Variants in IGFBP3 observed in about 807,000 individuals in gnomAD.
The protein encoded by IGFBP3 is insulin-like growth factor-binding protein 3.
In IGFBP3, 9 loss-of-function variants were observed where a neutral mutation model predicts 28.6. The observed-to-expected ratio is 0.31, with a 90% CI of 0.19 to 0.55. IGFBP3 has a LOEUF of 0.55. Ranked by LOEUF, IGFBP3 falls within the 20% of genes least tolerant of loss-of-function variation. IGFBP3 has a pLI of 0.93. For synonymous variants in IGFBP3, 185 were observed against 188.2 expected, an observed-to-expected ratio of 0.98 and a Z score of 0.14; for missense variants, 382 against 428.9, an observed-to-expected ratio of 0.89 and a Z score of 0.97.
At position 45,917,357 on chromosome 7, in the gene IGFBP3, A is replaced by G. The variant is rs1400175720; in HGVS notation, c.486T>C (p.Asp162=). ...TTGAATGGAGGGGGTGGAACTTGGGATCAGACACCCGGTGCGTGCTGGAGA... is the reference window on the plus strand; with the variant it reads ...TTGAATGGAGGGGGTGGAACTTGGGGTCAGACACCCGGTGCGTGCTGGAGA... The part of the protein sequence containing the change: ...PSVSSTHRVS[D]PKFHPLHSKI... Residue 162 remains aspartate, a synonymous_variant, in exon 2 of 5, where the codon GAT becomes GAC. Transcript: ENST00000613132. The G allele has an allele frequency of 3.7e-6, 6 of 1,613,934 alleles. No homozygotes were observed. Among genetic ancestry groups the G allele is most frequent in the Non-Finnish European group, 5.1e-6 (6 of 1,180,016 alleles).
Position 45,914,731 on chromosome 7 carries a change from C to T in IGFBP3, c.*15+74G>A, listed in dbSNP as rs1054452484. 2.5e-5 allele frequency: 37 copies of T among 1,468,866 alleles called. No homozygotes were observed. In the Middle Eastern group the frequency reaches 9.7e-4, roughly 38 times the overall value. The allele number at this position is 1,468,866 out of a possible 1,614,324, so 91.0% of individuals were successfully genotyped here. A position where few individuals can be genotyped will look rare whatever the true frequency, so the allele number is the denominator to read the frequency against. On this transcript the variant is annotated intron_variant, in intron 4 of 4. Coordinates refer to ENST00000613132, the MANE Select transcript of IGFBP3 (RefSeq NM_000598.5). ...GTAAGCCTGGGGAAGGGCCAGTGGC[C>T]ACGCCCAGCCCCTGAGGCTGGTCCA...
At chr7:45,913,955 G>A (rs967391005) in intron 4 of IGFBP3, 121 bp from the exon 5 acceptor site, 1 of 152,200 alleles carries the variant, frequency 6.6e-6, no homozygotes, top group Non-Finnish European at 1.5e-5. Context: ...TGCAAGTGCA[G>A]GGCTGGGGTC....
At chr7:45,920,515 A>G (rs764901740) in intron 1 of IGFBP3, 2 of 410,964 alleles carry the variant, frequency 4.9e-6, no homozygotes, top group Non-Finnish European at 8.5e-6. Flanking sequence ...TTTGCAATTT[A>G]CAAGTACTCT....
At position 45,920,944 on chromosome 7, in the gene IGFBP3, C is replaced by A; in HGVS notation, c.197G>T (p.Gly66Val). 2 of 1,391,696 alleles carry A rather than the reference C, an allele frequency of 1.4e-6. No individual in the cohort carries two copies. The highest frequency in any genetic ancestry group is 1.9e-6 in the Non-Finnish European group (2 of 1,078,558). 86.2% of individuals were successfully genotyped at this position (1,391,696 alleles called of 1,614,324 possible). ...AVCAELVREP[G>V]CGCCLTCALS... is the part of the protein sequence containing the mutation. Reference sequence around the variant, plus strand: ...TGCGCACGTCAGGCAGCAGCCGCAGCCCGGCTCGCGCACCAGCTCCGCGCA... The same window carrying A: ...TGCGCACGTCAGGCAGCAGCCGCAGACCGGCTCGCGCACCAGCTCCGCGCA... Residue 66 changes from glycine to valine, a missense_variant, in exon 1 of 5, where the codon GGC becomes GTC. Coordinates refer to ENST00000613132, the MANE Select transcript of IGFBP3 (RefSeq NM_000598.5).
At chr7:45,917,819 T>A (rs1784634519) in intron 1 of IGFBP3, among the ~76,000 whole-genome samples, 1 of 152,112 alleles carries the variant, frequency 6.6e-6, no homozygotes, top group African/African-American at 2.4e-5. Flanking sequence ...AATTTTGCAG[T>A]CAACTCCAAG....
At chr7:45,915,100 C>T (rs779634844) in intron 3 of IGFBP3, 155 bp from the exon 4 acceptor site, 1 of 780,082 alleles carries the variant, frequency 1.3e-6, no homozygotes, top group Admixed American at 2.5e-5. Context: ...CCATGCGTGC[C>T]TAGGCCCGCT....
Position 45,916,572 on chromosome 7 carries a change from C to T in IGFBP3, c.726G>A (p.Lys242=), listed in dbSNP as rs762463433. 1.2e-6 allele frequency: 2 copies of T among 1,612,006 alleles called. No homozygotes were observed. The highest frequency in any genetic ancestry group is 2.2e-5 in the South Asian group (2 of 91,014). The change falls in exon 3 of 5, where the codon AAG becomes AAA. Residue 242 remains lysine, a synonymous_variant. Coordinates refer to ENST00000613132, the MANE Select transcript of IGFBP3 (RefSeq NM_000598.5). ...PRGVHIPNCD[K]KGFYKKKQCR... The stretch of plus-strand genomic sequence containing the variant: ...CCTGCTTTTTCTTATAAAATCCCTT[C>T]TTGTCACAGTTGGGAATGTGTACAC...
In IGFBP3 at chr7:45,916,591, T is replaced by G; in HGVS notation, c.707A>C (p.His236Pro). 1 of 1,613,358 alleles carries G rather than the reference T, an allele frequency of 6.2e-7. No individual in the cohort carries two copies. Among genetic ancestry groups the G allele is most frequent in the Non-Finnish European group, 8.5e-7 (1 of 1,179,354 alleles). Residue 236 changes from histidine (H) to proline (P), a missense_variant, in exon 3 of 5, where the codon CAC (histidine) becomes CCC (proline). Transcript: ENST00000613132. ...TCCCTTCTTGTCACAGTTGGGAATG[T>G]GTACACCCCTGGGACTCAGCACATT... is the stretch of plus-strand genomic sequence containing the variant. ...FLNVLSPRGVHIPNCDKKGFY... is the reference protein window; with the variant it reads ...FLNVLSPRGVPIPNCDKKGFY...
intron 2 of IGFBP3, among the ~76,000 whole-genome samples, 157 bp from the exon 3 acceptor site, chr7:45,916,824 A>G (rs921035289): frequency 5.3e-5 from 8 of 152,170 alleles, no homozygotes; most frequent in African/African-American, 1.9e-4. Context: ...TCCCCCGAAT[A>G]AGCTAACCAT....
chr7:45,915,932 A>C (rs1029456952), intron 3 of IGFBP3, among the ~76,000 whole-genome samples: 1 of 152,082 alleles, frequency 6.6e-6, no homozygotes, highest in African/African-American at 2.4e-5. Context: ...TGTGCTGGGG[A>C]TGGCTGGGCT....
chr7:45,917,539 A>G (rs1028908782), intron 1 of IGFBP3, 100 bp from the exon 2 acceptor site: 1 of 972,318 alleles, frequency 1.0e-6, no homozygotes, highest in Non-Finnish European at 1.5e-6. Context: ...GTAAATGACA[A>G]TATTAGTTGG....
intron 1 of IGFBP3, among the ~76,000 whole-genome samples, chr7:45,918,945 C>CT (rs913356614): frequency 6.6e-6 from 1 of 152,154 alleles, no homozygotes; most frequent in Non-Finnish European, 1.5e-5. Flanking sequence ...GTTTCAATTT[C>CT]TTTTAATCTT....
Position 45,913,133 on chromosome 7 carries a change from C to T in IGFBP3, c.*717G>A, listed in dbSNP as rs540040038. ...CGCAGCAAAAGCCATCCTGGGCCTT[C>T]GACTGGGCCATGTCTTCAGGAAGAT... On this transcript the variant is annotated 3_prime_UTR_variant, in exon 5 of 5. Coordinates refer to ENST00000613132, the MANE Select transcript of IGFBP3 (RefSeq NM_000598.5). The T allele has an allele frequency of 2.0e-5, 3 of 152,282 alleles. No individual in the cohort carries two copies. The highest frequency in any genetic ancestry group is 7.2e-5 in the African/African-American group (3 of 41,554). 9.4% of individuals were successfully genotyped at this position (152,282 alleles called of 1,614,324 possible). A position where few individuals can be genotyped will look rare whatever the true frequency, so the allele number is the denominator to read the frequency against.
rs1321140289 is a variant in IGFBP3, at chr7:45,915,122, T to G, written c.751-177A>C. ...TGCCTAGGCCCGCTGAGTGTGCGCCTGTGCATGCGTGTGGGTGTAACTTCC... is the reference window on the plus strand; with the variant it reads ...TGCCTAGGCCCGCTGAGTGTGCGCCGGTGCATGCGTGTGGGTGTAACTTCC... On this transcript the variant is annotated intron_variant, in intron 3 of 4. Coordinates refer to ENST00000613132, the MANE Select transcript of IGFBP3 (RefSeq NM_000598.5). 2.6e-5 allele frequency: 16 copies of G among 617,464 alleles called. No homozygotes were observed. The East Asian group carries it at 4.9e-4, about 19-fold the overall frequency. 38.2% of individuals were successfully genotyped at this position (617,464 alleles called of 1,614,324 possible). A position where few individuals can be genotyped will look rare whatever the true frequency, so the allele number is the denominator to read the frequency against.
At position 45,921,095 on chromosome 7, in the gene IGFBP3, G is replaced by C. The variant is rs1245075769; in HGVS notation, c.46C>G (p.Leu16Val). 2 of 1,485,064 alleles carry C rather than the reference G, an allele frequency of 1.3e-6. No homozygotes were observed. The highest frequency in any genetic ancestry group is 4.5e-5 in the Admixed American group (2 of 44,832). The allele number at this position is 1,485,064 out of a possible 1,614,324, so 92.0% of individuals were successfully genotyped here. A position where few individuals can be genotyped will look rare whatever the true frequency, so the allele number is the denominator to read the frequency against. The part of the protein sequence containing the change: ...PTLWAAALTL[L>V]VLLRGPPVAR... ...ACCGGCGGCCCGCGGAGCAGCACCAGCAGAGTCAGCGCAGCGGCCCAGAGC... is the reference window on the plus strand; with the variant it reads ...ACCGGCGGCCCGCGGAGCAGCACCACCAGAGTCAGCGCAGCGGCCCAGAGC... Residue 16 changes from leucine (L) to valine (V), a missense_variant, in exon 1 of 5, where the codon CTG becomes GTG. Leu to Val is a conservative substitution (Grantham distance 32, BLOSUM62 1). Transcript: ENST00000613132.
In IGFBP3 at chr7:45,920,954, G is replaced by A; in HGVS notation, c.187C>T (p.Arg63Cys). 7.3e-7 allele frequency: 1 copy of A among 1,368,780 alleles called. No individual in the cohort carries two copies. The highest frequency in any genetic ancestry group is 9.4e-7 in the Non-Finnish European group (1 of 1,068,656). 84.8% of individuals were successfully genotyped at this position (1,368,780 alleles called of 1,614,324 possible). A position where few individuals can be genotyped will look rare whatever the true frequency, so the allele number is the denominator to read the frequency against. Reference sequence around the variant, plus strand: ...AGGCAGCAGCCGCAGCCCGGCTCGCGCACCAGCTCCGCGCACACGGCGGGC... The same window carrying A: ...AGGCAGCAGCCGCAGCCCGGCTCGCACACCAGCTCCGCGCACACGGCGGGC... Reference protein sequence around the residue: ...PPPAVCAELVREPGCGCCLTC... With the variant: ...PPPAVCAELVCEPGCGCCLTC... The change falls in exon 1 of 5, where the codon CGC becomes TGC. Residue 63 changes from arginine to cysteine, a missense_variant. Arg to Cys is a radical substitution (Grantham distance 180). Transcript: ENST00000613132.
chr7:45,914,952 G>C lies in IGFBP3; in HGVS notation c.751-7C>G. 1 of 1,613,840 alleles carries C rather than the reference G, an allele frequency of 6.2e-7. No individual in the cohort carries two copies. The highest frequency in any genetic ancestry group is 8.5e-7 in the Non-Finnish European group (1 of 1,179,916). ...TGCCTTTGGAAGGGCGACACTGTGG[G>C]AGAGAAACAGAAGACAGAGAAGTGA... On this transcript the variant is annotated splice_polypyrimidine_tract_variant and splice_region_variant and intron_variant, in intron 3 of 4. Coordinates refer to ENST00000613132, the MANE Select transcript of IGFBP3 (RefSeq NM_000598.5).
At position 45,921,080 on chromosome 7, in the gene IGFBP3, C is replaced by G; in HGVS notation, c.61G>C (p.Gly21Arg). 1 of 1,460,508 alleles carries G rather than the reference C, an allele frequency of 6.8e-7. No homozygotes were observed. Among genetic ancestry groups the G allele is most frequent in the South Asian group, 1.3e-5 (1 of 76,064 alleles). The allele number at this position is 1,460,508 out of a possible 1,614,324, so 90.5% of individuals were successfully genotyped here. A position where few individuals can be genotyped will look rare whatever the true frequency, so the allele number is the denominator to read the frequency against. The change falls in exon 1 of 5, where the codon GGG becomes CGG. Residue 21 changes from glycine (G) to arginine (R), a missense_variant. Coordinates refer to ENST00000613132, the MANE Select transcript of IGFBP3 (RefSeq NM_000598.5). ...GCGCCAGCCCGCGCCACCGGCGGCCCGCGGAGCAGCACCAGCAGAGTCAGC... is the reference window on the plus strand; with the variant it reads ...GCGCCAGCCCGCGCCACCGGCGGCCGGCGGAGCAGCACCAGCAGAGTCAGC... ...AALTLLVLLR[G>R]PPVARAGASS...
chr7:45,920,045 TCGGCGC>T (rs1265286666), intron 1 of IGFBP3: 1 of 151,862 alleles, frequency 6.6e-6, no homozygotes, highest in Non-Finnish European at 1.5e-5. Flanking sequence ...TTGTTTGAGG[TCGGCGC>T]AGGTGCAGGG....
Sources: allele counts gnomAD v4.1 joint callset (sites outside exome capture counted in the v4.1 genomes callset), GRCh38; gene constraint gnomAD v4.1.1; transcripts MANE v1.5; gene names NCBI Gene and HGNC (gene_info 2026-07-23, HGNC 2026-07-21).